PIK3C2G: variants seen among roughly 807,000 people sequenced by gnomAD.
PIK3C2G encodes the protein phosphatidylinositol 3-kinase C2 domain-containing subunit gamma.
In PIK3C2G, 168 loss-of-function variants were observed where a neutral mutation model predicts 181.1. The ratio of observed to expected loss-of-function variants is 0.93; its 90% CI spans 0.82 to 1.05. The LOEUF (loss-of-function observed/expected upper bound fraction) is 1.05, where lower values mean the gene tolerates loss of function less well. PIK3C2G is among the 50% of genes least tolerant of loss of function. The pLI, the probability that PIK3C2G is intolerant of heterozygous loss-of-function variation, is 0.00. For synonymous variants in PIK3C2G, 573 were observed against 592.2 expected (o/e 0.97, Z 0.47); for missense variants, 1,869 against 1,732.8 (o/e 1.08, Z -1.40).
chr12:18,557,905 A>G (rs1293067074), intron 26 of PIK3C2G, among the ~76,000 whole-genome samples: 1 of 152,194 alleles, frequency 6.6e-6, no homozygotes, highest in Non-Finnish European at 1.5e-5. Flanking sequence ...ATGTCTTAAT[A>G]CTACAGAGAT....
rs1940802822 is a variant in PIK3C2G at position 18,494,029 on chromosome 12, T to C, written c.2794-2033T>C. On this transcript the variant is annotated intron_variant, in intron 20 of 32. Coordinates refer to ENST00000538779, the MANE Select transcript of PIK3C2G (RefSeq NM_001288772.2). ...ACCAGGTATTTCATTTACTTACTGG[T>C]TTCTTTTTCAACTAATTTTTAGATA... Among the ~76,000 whole-genome samples the C allele has an allele frequency of 3.3e-5, 5 of 152,214 alleles. No individual in the cohort carries two copies. The South Asian group carries it at 1.0e-3, about 32-fold the overall frequency.
At chr12:18,372,714 A>G (rs1260206573) in intron 13 of PIK3C2G, 1 of 152,232 alleles carries the variant, frequency 6.6e-6, no homozygotes, top group African/African-American at 2.4e-5. Context: ...GCACATATCA[A>G]TAAACACTAA....
Position 18,282,311 on chromosome 12 carries a change from C to T in PIK3C2G, c.230C>T (p.Ser77Leu). 6.2e-7 allele frequency: 1 copy of T among 1,613,184 alleles called. No homozygotes were observed. The highest frequency in any genetic ancestry group is 1.1e-5 in the South Asian group (1 of 91,062). Residue 77 changes from serine (S) to leucine (L), a missense_variant, in exon 2 of 33, where the codon TCA (serine) becomes TTA (leucine). Physicochemically the swap from Ser to Leu is moderately radical, Grantham distance 145 (BLOSUM62 -2). Coordinates refer to ENST00000538779, the MANE Select transcript of PIK3C2G (RefSeq NM_001288772.2). ...TAPKWDSTGH[S>L]LNEAHQISLN... ...CCAAAATGGGACTCAACAGGGCATT[C>T]ATTAAATGAAGCACACCAAATATCC...
At chr12:18,692,975 G>C in the PIK3C2G span, 1 of 1,425,150 alleles carries the variant, frequency 7.0e-7, no homozygotes, top group Admixed American at 1.7e-5. Context: ...TGAAGTTAGA[G>C]AGAATTAAAG....
At chr12:18,506,909 G>A (rs539701048) in intron 24 of PIK3C2G, among the ~76,000 whole-genome samples, 1 of 152,190 alleles carries the variant, frequency 6.6e-6, no homozygotes, top group South Asian at 2.1e-4. Flanking sequence ...GCATTAAAAT[G>A]CCAACATAAA....
chr12:18,312,609 A>C (rs2137395031), intron 5 of PIK3C2G, among the ~76,000 whole-genome samples: 1 of 152,262 alleles, frequency 6.6e-6, no homozygotes, highest in Middle Eastern at 3.4e-3. Flanking sequence ...AGAACAAGTG[A>C]AGAAAAGCAG....
intron 18 of PIK3C2G, among the ~76,000 whole-genome samples, chr12:18,442,099 A>G (rs1341234726): frequency 1.3e-5 from 2 of 152,192 alleles, no homozygotes; most frequent in African/African-American, 4.8e-5. Context: ...GATCTGCACT[A>G]TAGTAATATA....
At chr12:18,696,022 C>G in the PIK3C2G span, 1 of 576,466 alleles carries the variant, frequency 1.7e-6, no homozygotes, top group South Asian at 1.8e-5. Flanking sequence ...CCATTAGTGC[C>G]TGACCCCAAA....
At chr12:18,508,114 T>C (rs933888950) in intron 24 of PIK3C2G, among the ~76,000 whole-genome samples, 8 of 152,232 alleles carry the variant, frequency 5.3e-5, no homozygotes, top group Non-Finnish European at 1.2e-4. Context: ...AAGTTGCCAC[T>C]GTCTTCCTTT....
intron 24 of PIK3C2G, among the ~76,000 whole-genome samples, chr12:18,527,788 T>A (rs895876846): frequency 2.0e-5 from 3 of 152,138 alleles, no homozygotes; most frequent in Non-Finnish European, 4.4e-5. Flanking sequence ...GAAAGGAGAC[T>A]TGATAATTTT....
At chr12:18,542,896 A>T (rs904759683) in intron 25 of PIK3C2G, among the ~76,000 whole-genome samples, 4 of 151,414 alleles carry the variant, frequency 2.6e-5, no homozygotes, top group Non-Finnish European at 5.9e-5. Context: ...TTACGGTAGA[A>T]TGATATACCC....
intron 31 of PIK3C2G, among the ~76,000 whole-genome samples, chr12:18,618,290 G>A (rs1320279722): frequency 6.6e-6 from 1 of 152,088 alleles, no homozygotes; most frequent in East Asian, 1.9e-4. Flanking sequence ...GAAAGTCCCC[G>A]ATAAAAGACA....
chr12:18,251,119 A>G (rs1948091653), intron 1 of PIK3C2G, among the ~76,000 whole-genome samples: 2 of 152,122 alleles, frequency 1.3e-5, no homozygotes, highest in South Asian at 4.1e-4. Flanking sequence ...ATGTAGCATT[A>G]TATGTAATAA....
At chr12:18,325,706 C>CAA (rs34711642) in intron 8 of PIK3C2G, among the ~76,000 whole-genome samples, 661 of 61,316 alleles carry the variant, frequency 0.011, 8 homozygotes, top group African/African-American at 0.031. Context: ...GACTCAGTCT[C>CAA]AAAAAAAAAA....
the PIK3C2G span, chr12:18,692,906 A>G: frequency 6.3e-7 from 1 of 1,599,190 alleles, no homozygotes; most frequent in Non-Finnish European, 8.6e-7. Flanking sequence ...CAAAGGGACC[A>G]GATGCTGCCA....
chr12:18,540,652 T>C (rs1944104497), intron 25 of PIK3C2G, among the ~76,000 whole-genome samples: 2 of 151,928 alleles, frequency 1.3e-5, no homozygotes, highest in South Asian at 2.1e-4. Context: ...TAATCACTTG[T>C]TGAAAATTTC....
At chr12:18,724,577 G>A in the PIK3C2G span, among the ~76,000 whole-genome samples, 4 of 152,114 alleles carry the variant, frequency 2.6e-5, no homozygotes, top group South Asian at 2.1e-4. Context: ...AATCAGATGC[G>A]GGGTCTCCAG....
intron 15 of PIK3C2G, among the ~76,000 whole-genome samples, chr12:18,394,361 C>T (rs2138075292): frequency 6.6e-6 from 1 of 152,142 alleles, no homozygotes; most frequent in Admixed American, 6.5e-5. Flanking sequence ...ATGTACTTTT[C>T]TAAATGTCTA....
the PIK3C2G span, among the ~76,000 whole-genome samples, chr12:18,666,496 T>C: frequency 2.6e-5 from 4 of 152,122 alleles, no homozygotes; most frequent in Non-Finnish European, 5.9e-5. Context: ...CATTATATAA[T>C]ATAAAAGTAT....
Sources: gnomAD v4.1 joint callset for allele counts (sites outside exome capture counted in the v4.1 genomes callset) on GRCh38, gnomAD v4.1.1 for gene constraint, MANE v1.5 for transcripts, NCBI Gene and HGNC (gene_info 2026-07-23, HGNC 2026-07-21) for gene names.